NRXN3: variants seen among roughly 807,000 people sequenced by gnomAD.
The protein encoded by NRXN3 is neurexin III.
Under a neutral mutation model 137.6 loss-of-function variants are expected in NRXN3, and 32 were observed. That is an observed-to-expected ratio of 0.23 (90% CI 0.18 to 0.31). The LOEUF (loss-of-function observed/expected upper bound fraction) is 0.31. Ranked by LOEUF, NRXN3 falls within the 10% of genes least tolerant of loss-of-function variation. The pLI is 1.00. For synonymous variants in NRXN3, 798 were observed against 784.5 expected, an observed-to-expected ratio of 1.02 and a Z score of -0.29; for missense variants, 1,574 against 2,062.5, an observed-to-expected ratio of 0.76 and a Z score of 4.59.
chr14:78,715,105 C>A lies in NRXN3; in HGVS notation c.2010C>A (p.Thr670=). 6.2e-7 allele frequency: 1 copy of A among 1,611,708 alleles called. No individual in the cohort carries two copies. Among genetic ancestry groups the A allele is most frequent in the Non-Finnish European group, 8.5e-7 (1 of 1,179,394 alleles). ...GGAACCGCTTCATCTGCGACTGCAC[C>A]GGCACCGGATACTGGGGAAGAACCT... ...DGWNRFICDC[T]GTGYWGRTCE... Residue 670 remains threonine, a synonymous_variant, in exon 8 of 21, where the codon ACC becomes ACA. Transcript: ENST00000335750.
At chr14:78,984,290 C>T (rs969540515) in intron 14 of NRXN3, among the ~76,000 whole-genome samples, 8 of 151,952 alleles carry the variant, frequency 5.3e-5, no homozygotes, top group African/African-American at 1.2e-4. Context: ...TTTACCATTC[C>T]GTGTTGTAAG....
At chr14:78,630,398 A>T in intron 4 of NRXN3, among the ~76,000 whole-genome samples, 1 of 152,188 alleles carries the variant, frequency 6.6e-6, no homozygotes, top group Admixed American at 6.5e-5. Flanking sequence ...GAAATTACAA[A>T]ACCAAAAAAG....
chr14:78,807,246 C>G (rs1567368735), intron 9 of NRXN3, among the ~76,000 whole-genome samples: 1 of 152,194 alleles, frequency 6.6e-6, no homozygotes, highest in Non-Finnish European at 1.5e-5. Context: ...AGCAGAGTGC[C>G]AGGAGCCCTT....
At position 79,625,617 on chromosome 14, in the gene NRXN3, A is replaced by G. The variant is rs889804864; in HGVS notation, c.3445-38161A>G. ...ACTTCACTCTATATTTTATTTCCCA[A>G]ATGAGATGGAAGTACATGGAATAAA... On this transcript the variant is annotated intron_variant, in intron 16 of 20. Coordinates refer to ENST00000335750, the MANE Select transcript of NRXN3 (RefSeq NM_001330195.2). Among the ~76,000 whole-genome samples the G allele has an allele frequency of 6.6e-5, 10 of 152,194 alleles. 1 individual carries two copies. The highest frequency in any genetic ancestry group is 5.9e-5 in the Non-Finnish European group (4 of 68,038).
chr14:78,803,920 G>T (rs892673513), intron 9 of NRXN3, 97 bp downstream of exon 9: 5 of 1,168,464 alleles, frequency 4.3e-6, no homozygotes, highest in South Asian at 1.3e-5. Flanking sequence ...TTTGTTTCTT[G>T]AAAGTTAGCT....
intron 15 of NRXN3, among the ~76,000 whole-genome samples, chr14:79,003,412 A>G (rs539242888): frequency 1.3e-5 from 2 of 152,256 alleles, no homozygotes; most frequent in Admixed American, 1.3e-4. Context: ...AATGTAATCT[A>G]ATTTAGTCTT....
intron 4 of NRXN3, among the ~76,000 whole-genome samples, chr14:78,519,380 C>T (rs936412469): frequency 4.6e-5 from 7 of 152,024 alleles, no homozygotes; most frequent in Admixed American, 2.0e-4. Context: ...GATGTGTGCA[C>T]GAGAAAAATG....
intron 15 of NRXN3, among the ~76,000 whole-genome samples, chr14:79,372,309 G>T (rs1235427177): frequency 2.0e-5 from 3 of 152,106 alleles, no homozygotes; most frequent in Non-Finnish European, 2.9e-5. Context: ...GGCACACAGG[G>T]TCTCTGTTCT....
At chr14:78,235,775 A>G (rs1251414332) in intron 1 of NRXN3, among the ~76,000 whole-genome samples, 3 of 152,168 alleles carry the variant, frequency 2.0e-5, no homozygotes, top group African/African-American at 7.2e-5. Context: ...CTAAAGGGTA[A>G]GGCTTGGTGA....
intron 1 of NRXN3, among the ~76,000 whole-genome samples, chr14:78,220,384 G>A (rs183358292): frequency 5.3e-5 from 8 of 152,186 alleles, no homozygotes; most frequent in African/African-American, 1.9e-4. Flanking sequence ...GCCAGGAAGG[G>A]GGCCCGAAAG....
chr14:78,732,851 G>A (rs979320814), intron 8 of NRXN3, among the ~76,000 whole-genome samples: 2 of 152,158 alleles, frequency 1.3e-5, no homozygotes, highest in African/African-American at 4.8e-5. Flanking sequence ...AAAGGTTAGT[G>A]GGATAAGGTT....
chr14:79,223,321 A>G (rs552801517), intron 15 of NRXN3, among the ~76,000 whole-genome samples: 3 of 152,078 alleles, frequency 2.0e-5, no homozygotes, highest in Non-Finnish European at 2.9e-5. Flanking sequence ...AATTTATCTT[A>G]TGGATTTTCC....
chr14:78,920,814 T>G (rs1212324157), intron 10 of NRXN3, among the ~76,000 whole-genome samples: 1 of 152,144 alleles, frequency 6.6e-6, no homozygotes, highest in African/African-American at 2.4e-5. Context: ...ACAGCCAAAT[T>G]GAAGAGATGT....
intron 4 of NRXN3, among the ~76,000 whole-genome samples, chr14:78,405,779 A>C (rs1338623098): frequency 6.6e-6 from 1 of 152,154 alleles, no homozygotes; most frequent in Non-Finnish European, 1.5e-5. Flanking sequence ...CAACCCATAC[A>C]AAAATATGGA....
intron 8 of NRXN3, among the ~76,000 whole-genome samples, chr14:78,723,694 A>G (rs1480467110): frequency 1.3e-5 from 2 of 152,196 alleles, no homozygotes. Flanking sequence ...CAAAGTGTAT[A>G]ATGTGCTCAC....
chr14:78,608,995 A>G (rs2097276518), intron 4 of NRXN3, among the ~76,000 whole-genome samples: 1 of 152,094 alleles, frequency 6.6e-6, no homozygotes, highest in South Asian at 2.1e-4. Context: ...TTGGGAAGCT[A>G]TGGGTGGGTT....
intron 16 of NRXN3, among the ~76,000 whole-genome samples, chr14:79,613,749 G>A (rs1249563898): frequency 6.6e-6 from 1 of 152,282 alleles, no homozygotes; most frequent in African/African-American, 2.4e-5. Flanking sequence ...AGCTAGGCAG[G>A]TTCACAGTGC....
At chr14:78,454,002 C>T (rs999549792) in intron 4 of NRXN3, among the ~76,000 whole-genome samples, 1 of 152,186 alleles carries the variant, frequency 6.6e-6, no homozygotes, top group Non-Finnish European at 1.5e-5. Context: ...CTTTGTCGTA[C>T]TTTGTTGCCC....
At chr14:78,209,918 A>G (rs1251843011) in intron 1 of NRXN3, among the ~76,000 whole-genome samples, 1 of 152,266 alleles carries the variant, frequency 6.6e-6, no homozygotes, top group East Asian at 1.9e-4. Context: ...TATTTGTTAT[A>G]TTTATGTGTT....
Sources: gnomAD v4.1 joint callset for allele counts (sites outside exome capture counted in the v4.1 genomes callset) on GRCh38, gnomAD v4.1.1 for gene constraint, MANE v1.5 for transcripts, NCBI Gene and HGNC (gene_info 2026-07-23, HGNC 2026-07-21) for gene names.